The following WDR7 variants were observed in gnomAD, a reference collection of about 807,000 sequenced individuals.
The protein encoded by WDR7 is WD repeat-containing protein 7.
In WDR7, 46 loss-of-function variants were observed where a neutral mutation model predicts 169.4. The observed-to-expected ratio is 0.27, with a 90% CI of 0.21 to 0.35. WDR7 has a LOEUF of 0.35. Among genes scored for constraint, WDR7 ranks in the 10% least tolerant of loss-of-function variants. WDR7 has a pLI of 1.00. For missense variants in WDR7, 1,534 were observed against 1,859.3 expected (o/e 0.83, Z 3.22); for synonymous variants, 612 against 666.8 (o/e 0.92, Z 1.27).
At chr18:56,798,727 T>G (rs561226538) in intron 19 of WDR7, among the ~76,000 whole-genome samples, 4 of 152,334 alleles carry the variant, frequency 2.6e-5, no homozygotes, top group Admixed American at 6.5e-5. Context: ...TTGCTATTGC[T>G]TTATAAAAGT....
intron 21 of WDR7, among the ~76,000 whole-genome samples, chr18:56,883,927 G>A (rs555967399): frequency 9.2e-5 from 14 of 152,108 alleles, no homozygotes; most frequent in African/African-American, 3.4e-4. Flanking sequence ...TGGGCATTTC[G>A]GCTGATTCCA....
chr18:56,930,784 CA>C (rs2046873742), intron 22 of WDR7, among the ~76,000 whole-genome samples: 1 of 152,014 alleles, frequency 6.6e-6, no homozygotes, highest in African/African-American at 2.4e-5. Flanking sequence ...TCCTATTGAC[CA>C]AAATTTTCAG....
At chr18:56,697,462 C>G (rs921612870) in intron 12 of WDR7, among the ~76,000 whole-genome samples, 5 of 152,160 alleles carry the variant, frequency 3.3e-5, no homozygotes, top group African/African-American at 9.7e-5. Flanking sequence ...TTTTTCCTGG[C>G]AGATTTGCAA....
At chr18:56,917,591 G>T (rs1599156353) in intron 21 of WDR7, among the ~76,000 whole-genome samples, 1 of 152,084 alleles carries the variant, frequency 6.6e-6, no homozygotes, top group Non-Finnish European at 1.5e-5. Context: ...TTTTAAAAGG[G>T]CTAGCCATTA....
intron 20 of WDR7, among the ~76,000 whole-genome samples, chr18:56,825,741 GCTTAA>G (rs2145257544): frequency 6.6e-6 from 1 of 152,074 alleles, no homozygotes; most frequent in East Asian, 1.9e-4. Context: ...TTTTAATATA[GCTTAA>G]CTTTTTTGTG....
chr18:56,855,111 G>A (rs2045699329), intron 20 of WDR7, among the ~76,000 whole-genome samples: 1 of 152,056 alleles, frequency 6.6e-6, no homozygotes, highest in African/African-American at 2.4e-5. Context: ...TTAAAATTTC[G>A]ATAATTATTA....
intron 1 of WDR7, among the ~76,000 whole-genome samples, chr18:56,672,191 A>G (rs546132303): frequency 1.3e-5 from 2 of 152,190 alleles, no homozygotes; most frequent in Admixed American, 1.3e-4. Flanking sequence ...GAGGTACTGA[A>G]GTCATTGGCC....
intron 21 of WDR7, among the ~76,000 whole-genome samples, chr18:56,915,379 T>C (rs1490469613): frequency 6.6e-6 from 1 of 152,240 alleles, no homozygotes; most frequent in Admixed American, 6.5e-5. Flanking sequence ...TCATTATTAA[T>C]TCATTTTGCA....
At chr18:56,721,171 C>T (rs1183541954) in intron 13 of WDR7, among the ~76,000 whole-genome samples, 2 of 152,002 alleles carry the variant, frequency 1.3e-5, no homozygotes, top group East Asian at 3.9e-4. Context: ...TGTATTTTTC[C>T]AAATGCAGCC....
intron 21 of WDR7, among the ~76,000 whole-genome samples, chr18:56,918,170 A>G (rs968543663): frequency 6.6e-6 from 1 of 152,198 alleles, no homozygotes; most frequent in Non-Finnish European, 1.5e-5. Context: ...CTCACTATAA[A>G]GCTGCTGCAG....
rs2043939653 is a variant in WDR7, at chr18:56,758,858, T to G, written c.2760-7T>G. ...ATATATCTTGTATTTTTTTCTTCTT[T>G]TTTAAGGCCACCTAGACCAAGCACC... is the stretch of plus-strand genomic sequence containing the variant. On this transcript the variant is annotated splice_polypyrimidine_tract_variant and splice_region_variant and intron_variant, in intron 15 of 27. Coordinates refer to ENST00000254442, the MANE Select transcript of WDR7 (RefSeq NM_015285.3). 1 of 1,596,550 alleles carries G rather than the reference T, an allele frequency of 6.3e-7. No individual in the cohort carries two copies. Among genetic ancestry groups the G allele is most frequent in the Non-Finnish European group, 8.5e-7 (1 of 1,174,276 alleles).
At chr18:56,785,858 G>T (rs1205757047) in intron 19 of WDR7, among the ~76,000 whole-genome samples, 2 of 149,176 alleles carry the variant, frequency 1.3e-5, no homozygotes, top group Admixed American at 1.3e-4. Context: ...AAGAGACAGG[G>T]TCTCGCTGTG....
chr18:56,906,241 A>C (rs1173109113), intron 21 of WDR7, among the ~76,000 whole-genome samples: 1 of 152,236 alleles, frequency 6.6e-6, no homozygotes, highest in Non-Finnish European at 1.5e-5. Context: ...TATACTCAGC[A>C]GGATCCAGAT....
At chr18:56,837,408 A>G (rs900472628) in intron 20 of WDR7, among the ~76,000 whole-genome samples, 1 of 152,230 alleles carries the variant, frequency 6.6e-6, no homozygotes, top group Non-Finnish European at 1.5e-5. Flanking sequence ...AACAAGTTTA[A>G]GTAAAAATGT....
intron 21 of WDR7, among the ~76,000 whole-genome samples, chr18:56,906,668 T>G (rs1270069652): frequency 1.3e-5 from 2 of 151,834 alleles, no homozygotes; most frequent in African/African-American, 4.8e-5. Context: ...CTCAGCCTCC[T>G]GAGTAGCTGG....
intron 19 of WDR7, among the ~76,000 whole-genome samples, chr18:56,789,422 G>T (rs1157996195): frequency 3.3e-5 from 5 of 152,210 alleles, no homozygotes; most frequent in Non-Finnish European, 1.5e-5. Flanking sequence ...TGCTACCAGG[G>T]AACTCCTCCG....
At chr18:56,894,586 T>C (rs1327326543) in intron 21 of WDR7, among the ~76,000 whole-genome samples, 1 of 152,102 alleles carries the variant, frequency 6.6e-6, no homozygotes, top group Non-Finnish European at 1.5e-5. Flanking sequence ...CCCTTGTATA[T>C]TGTTCTATAC....
At chr18:56,999,079 T>C (rs2047938758) in intron 26 of WDR7, among the ~76,000 whole-genome samples, 1 of 152,202 alleles carries the variant, frequency 6.6e-6, no homozygotes, top group South Asian at 2.1e-4. Flanking sequence ...TGAAAATATT[T>C]ATGGAATCTT....
At chr18:56,720,345 T>A (rs1239314860) in intron 13 of WDR7, among the ~76,000 whole-genome samples, 1 of 152,114 alleles carries the variant, frequency 6.6e-6, no homozygotes, top group Non-Finnish European at 1.5e-5. Context: ...TCCACTCAGG[T>A]GGCTGAGGTG....
Sources: gnomAD v4.1 joint callset for allele counts (sites outside exome capture counted in the v4.1 genomes callset) on GRCh38, gnomAD v4.1.1 for gene constraint, MANE v1.5 for transcripts, NCBI Gene and HGNC (gene_info 2026-07-23, HGNC 2026-07-21) for gene names.